TAFA1: variants seen among roughly 807,000 people sequenced by gnomAD.
The protein encoded by TAFA1 is chemokine-like protein TAFA-1.
Under a neutral mutation model 18.5 loss-of-function variants are expected in TAFA1, and 4 were observed. The ratio of observed to expected loss-of-function variants is 0.22; its 90% CI spans 0.11 to 0.49. The LOEUF is 0.49. Among genes scored for constraint, TAFA1 ranks in the 20% least tolerant of loss-of-function variants. TAFA1 has a pLI of 0.98. For missense variants in TAFA1, 147 were observed against 169.0 expected (o/e 0.87, Z 0.72); for synonymous variants, 56 against 55.2 (o/e 1.01, Z -0.06).
At chr3:68,083,020 T>G (rs1463289350) in intron 2 of TAFA1, among the ~76,000 whole-genome samples, 1 of 152,230 alleles carries the variant, frequency 6.6e-6, no homozygotes, top group Admixed American at 6.5e-5. Context: ...TGTACCTTAA[T>G]TTGTGAAGGA....
intron 3 of TAFA1, among the ~76,000 whole-genome samples, chr3:68,502,640 C>T (rs1317616992): frequency 1.3e-5 from 2 of 151,768 alleles, no homozygotes; most frequent in Non-Finnish European, 2.9e-5. Flanking sequence ...TTCTGCTTGC[C>T]TATTCCCCCC....
intron 3 of TAFA1, among the ~76,000 whole-genome samples, chr3:68,480,236 C>CAAA (rs35040879): frequency 1.6e-4 from 20 of 127,064 alleles, no homozygotes; most frequent in South Asian, 2.6e-4. Flanking sequence ...ACTAAAAATA[C>CAAA]AAAAAAAAAA....
chr3:68,040,867 A>G (rs1362047140), intron 2 of TAFA1, among the ~76,000 whole-genome samples: 1 of 152,196 alleles, frequency 6.6e-6, no homozygotes, highest in African/African-American at 2.4e-5. Flanking sequence ...TTACAAAATA[A>G]AAAGTTTTGA....
intron 2 of TAFA1, among the ~76,000 whole-genome samples, chr3:68,326,106 G>A (rs2068773326): frequency 6.6e-6 from 1 of 152,164 alleles, no homozygotes; most frequent in Non-Finnish European, 1.5e-5. Context: ...AGGACTTCTT[G>A]GAATTCACTG....
chr3:68,165,929 A>C (rs1317967482), intron 2 of TAFA1, among the ~76,000 whole-genome samples: 1 of 152,200 alleles, frequency 6.6e-6, no homozygotes, highest in Non-Finnish European at 1.5e-5. Flanking sequence ...ATATTTCCAT[A>C]TTTTAAATGG....
At chr3:68,120,247 TTCTTTCTTTCTTTC>T (rs2065382107) in intron 2 of TAFA1, among the ~76,000 whole-genome samples, 3 of 126,090 alleles carry the variant, frequency 2.4e-5, no homozygotes, top group African/African-American at 6.0e-5. Context: ...CTTTCTTTCT[TTCTTTCTTTCTTTC>T]TTTTTTGAGA....
At chr3:68,528,592 A>G (rs140944326) in intron 3 of TAFA1, among the ~76,000 whole-genome samples, 1 of 152,288 alleles carries the variant, frequency 6.6e-6, no homozygotes, top group African/African-American at 2.4e-5. Context: ...ACCAGTGCAA[A>G]AAGGGAGGCT....
At chr3:68,100,614 G>A (rs1178430183) in intron 2 of TAFA1, among the ~76,000 whole-genome samples, 2 of 152,038 alleles carry the variant, frequency 1.3e-5, no homozygotes, top group African/African-American at 2.4e-5. Context: ...GCATTCTTTT[G>A]TCATTTATCA....
chr3:68,176,119 C>CT (rs796579214), intron 2 of TAFA1, among the ~76,000 whole-genome samples: 23 of 152,268 alleles, frequency 1.5e-4, no homozygotes, highest in African/African-American at 5.5e-4. Flanking sequence ...TTCATTGAAC[C>CT]TTTTTTTCTT....
At chr3:68,246,032 C>A (rs952011211) in intron 2 of TAFA1, among the ~76,000 whole-genome samples, 1 of 152,142 alleles carries the variant, frequency 6.6e-6, no homozygotes, top group African/African-American at 2.4e-5. Flanking sequence ...GTTTTGTTCC[C>A]TGCTCTATCT....
At chr3:68,349,289 A>C (rs1382540341) in intron 2 of TAFA1, among the ~76,000 whole-genome samples, 1 of 151,974 alleles carries the variant, frequency 6.6e-6, no homozygotes, top group Non-Finnish European at 1.5e-5. Flanking sequence ...CGTTTTCACA[A>C]GCAAAATGCT....
intron 3 of TAFA1, among the ~76,000 whole-genome samples, chr3:68,466,505 G>T (rs575831003): frequency 1.8e-4 from 28 of 152,198 alleles, no homozygotes; most frequent in Non-Finnish European, 3.8e-4. Flanking sequence ...TTCAGAGAAG[G>T]TTAACGACCT....
At chr3:68,124,748 C>T (rs2065443722) in intron 2 of TAFA1, among the ~76,000 whole-genome samples, 1 of 152,182 alleles carries the variant, frequency 6.6e-6, no homozygotes, top group Admixed American at 6.5e-5. Flanking sequence ...CCAAGTCAGT[C>T]TAGGTCCAGA....
chr3:68,477,013 C>G (rs1345893277), intron 3 of TAFA1, among the ~76,000 whole-genome samples: 1 of 152,092 alleles, frequency 6.6e-6, no homozygotes, highest in Non-Finnish European at 1.5e-5. Context: ...CTCAGAGACC[C>G]CCATGTGTCT....
intron 2 of TAFA1, among the ~76,000 whole-genome samples, chr3:68,192,080 T>C (rs2107015543): frequency 6.6e-6 from 1 of 151,880 alleles, no homozygotes; most frequent in Admixed American, 6.6e-5. Context: ...AGTTCCTAAG[T>C]GCTTCTTGTC....
chr3:68,249,593 A>T (rs1443654961), intron 2 of TAFA1, among the ~76,000 whole-genome samples: 1 of 152,168 alleles, frequency 6.6e-6, no homozygotes, highest in African/African-American at 2.4e-5. Context: ...GGCAAAAAAA[A>T]CTTGGGTACC....
At chr3:68,479,993 A>T (rs1239041117) in intron 3 of TAFA1, among the ~76,000 whole-genome samples, 1 of 152,138 alleles carries the variant, frequency 6.6e-6, no homozygotes, top group Non-Finnish European at 1.5e-5. Context: ...CTAAGATTGG[A>T]TTCTCTCATT....
chr3:68,278,581 C>T (rs1344867663), intron 2 of TAFA1, among the ~76,000 whole-genome samples: 2 of 152,094 alleles, frequency 1.3e-5, no homozygotes, highest in African/African-American at 4.8e-5. Context: ...CTGTCTAGTG[C>T]AGAGATAGTG....
intron 2 of TAFA1, among the ~76,000 whole-genome samples, chr3:68,282,897 T>G (rs2067923380): frequency 6.6e-6 from 1 of 152,212 alleles, no homozygotes; most frequent in South Asian, 2.1e-4. Context: ...CCTTGGAGCT[T>G]GTTATCAGAT....
Sources: gnomAD v4.1 joint callset for allele counts (sites outside exome capture counted in the v4.1 genomes callset) on GRCh38, gnomAD v4.1.1 for gene constraint, MANE v1.5 for transcripts, NCBI Gene and HGNC (gene_info 2026-07-23, HGNC 2026-07-21) for gene names.